ECHDC1: variants seen among roughly 807,000 people sequenced by gnomAD.
ECHDC1 encodes the protein ethylmalonyl-CoA decarboxylase.
A neutral mutation model predicts 29.7 loss-of-function variants in ECHDC1; 29 were observed. The ratio of observed to expected loss-of-function variants is 0.98; its 90% confidence interval spans 0.73 to 1.33. The LOEUF is 1.33. ECHDC1 is among the 40% of genes most tolerant of loss of function. The pLI is 0.00. For missense variants in ECHDC1, 328 were observed against 350.0 expected, an observed-to-expected ratio of 0.94 and a Z score of 0.50; for synonymous variants, 126 against 123.1, an observed-to-expected ratio of 1.02 and a Z score of -0.15.
At chr6:127,326,859 C>T in intron 3 of ECHDC1, 143 bp downstream of exon 3, 1 of 912,644 alleles carries the variant, frequency 1.1e-6, no homozygotes, top group Non-Finnish European at 1.6e-6. Flanking sequence ...TATAATCCTA[C>T]CAAAAACAAA....
chr6:127,297,871 G>C (rs1387458769), intron 5 of ECHDC1, among the ~76,000 whole-genome samples: 2 of 152,160 alleles, frequency 1.3e-5, no homozygotes, highest in Non-Finnish European at 2.9e-5. Context: ...CCACTACAAA[G>C]AGCTTTCTTC....
rs369602393 is a variant in ECHDC1, at chr6:127,314,875, C to A, written c.438G>T (p.Ala146=). ...CACCCAATGCCCAACCTTGAACCAG[C>A]GCAACACTTATTAAAGGAAGTCTGT... ...RFMRLPLISV[A]LVQGWALGGG... The change falls in exon 5 of 6, where the codon GCG becomes GCT. Residue 146 remains alanine (A), a synonymous_variant. Transcript: ENST00000454859. The A allele has an allele frequency of 4.3e-6, 7 of 1,611,874 alleles. No individual in the cohort carries two copies. The highest frequency in any genetic ancestry group is 5.9e-6 in the Non-Finnish European group (7 of 1,179,054).
chr6:127,298,563 T>G (rs980603784), intron 5 of ECHDC1, among the ~76,000 whole-genome samples: 12 of 152,186 alleles, frequency 7.9e-5, no homozygotes, highest in Non-Finnish European at 1.8e-4. Flanking sequence ...TAAAATAATG[T>G]CTATATCAGA....
intron 5 of ECHDC1, among the ~76,000 whole-genome samples, chr6:127,308,520 C>A (rs1422690226): frequency 6.6e-6 from 1 of 152,084 alleles, no homozygotes; most frequent in African/African-American, 2.4e-5. Context: ...AGGCCATATA[C>A]ATATATGACA....
At chr6:127,319,067 A>G (rs1279453417) in intron 3 of ECHDC1, among the ~76,000 whole-genome samples, 2 of 152,240 alleles carry the variant, frequency 1.3e-5, no homozygotes, top group East Asian at 3.8e-4. Flanking sequence ...TGAAGTATCT[A>G]GAATTGGTAG....
intron 4 of ECHDC1, chr6:127,315,933 C>T: frequency 2.1e-6 from 1 of 470,582 alleles, no homozygotes; most frequent in South Asian, 1.5e-5. Context: ...CTCAAACATA[C>T]CTTGATAGGC....
intron 2 of ECHDC1, among the ~76,000 whole-genome samples, chr6:127,327,582 C>T (rs921385749): frequency 3.9e-5 from 6 of 152,058 alleles, no homozygotes; most frequent in Non-Finnish European, 8.8e-5. Flanking sequence ...ATATATTGGA[C>T]ATATGGTATA....
At position 127,290,204 on chromosome 6, in the gene ECHDC1, T is replaced by G; in HGVS notation, c.571A>C (p.Thr191Pro). 1 of 1,613,650 alleles carries G rather than the reference T, an allele frequency of 6.2e-7. No individual in the cohort carries two copies. Among genetic ancestry groups the G allele is most frequent in the South Asian group, 1.1e-5 (1 of 91,070 alleles). Reference protein sequence around the residue: ...MGIIPSWGGTTRLVEIIGSRQ... With the variant: ...MGIIPSWGGTPRLVEIIGSRQ... ...CTTCCGATTATTTCAACTAGCCGGG[T>G]GGTGCCACCCCAGCTTGGTATTATG... is the stretch of plus-strand genomic sequence containing the variant. Residue 191 changes from threonine to proline, a missense_variant, in exon 6 of 6, where the codon ACC (threonine) becomes CCC (proline). Coordinates refer to ENST00000454859, the MANE Select transcript of ECHDC1 (RefSeq NM_001002030.2).
At chr6:127,333,666 TACACACACACACACACACACACAC>T (rs10523734) in intron 1 of ECHDC1, among the ~76,000 whole-genome samples, 5 of 128,036 alleles carry the variant, frequency 3.9e-5, no homozygotes, top group East Asian at 4.1e-4. Flanking sequence ...CTCTTTCTCT[TACACACACACACACACACACACAC>T]ACACACACAC....
intron 1 of ECHDC1, 23 bp from the exon 2 acceptor site, chr6:127,331,053 C>T (rs774841748): frequency 8.2e-6 from 13 of 1,585,124 alleles, no homozygotes; most frequent in African/African-American, 4.0e-5. Context: ...AATAAGTATG[C>T]GGTAGTATAG....
At chr6:127,296,303 C>T (rs1278905744) in intron 5 of ECHDC1, among the ~76,000 whole-genome samples, 1 of 152,074 alleles carries the variant, frequency 6.6e-6, no homozygotes, top group Non-Finnish European at 1.5e-5. Context: ...AAGTGACTCT[C>T]CTGCCTCAGC....
chr6:127,313,136 T>C (rs1029701537), intron 5 of ECHDC1: 4 of 153,482 alleles, frequency 2.6e-5, no homozygotes, highest in African/African-American at 9.6e-5. Context: ...TTCATCAAAA[T>C]CCATTTACAG....
chr6:127,338,264 C>A (rs1784606655), intron 1 of ECHDC1, among the ~76,000 whole-genome samples: 1 of 152,140 alleles, frequency 6.6e-6, no homozygotes, highest in African/African-American at 2.4e-5. Context: ...GAGAAAGCAT[C>A]TTTAAAAGTT....
At chr6:127,336,254 G>GGATA (rs1784416174) in intron 1 of ECHDC1, among the ~76,000 whole-genome samples, 2 of 151,948 alleles carry the variant, frequency 1.3e-5, no homozygotes, top group African/African-American at 4.8e-5. Context: ...AAGAATGAGA[G>GGATA]GATACTGTGA....
chr6:127,309,480 AACACACACAC>A (rs58621326), intron 5 of ECHDC1, among the ~76,000 whole-genome samples: 14,860 of 137,066 alleles, frequency 0.11, 978 homozygotes, highest in South Asian at 0.18. Flanking sequence ...CAAACAACAA[AACACACACAC>A]ACACACACAC....
intron 5 of ECHDC1, among the ~76,000 whole-genome samples, chr6:127,296,562 GA>G (rs1416448359): frequency 6.6e-6 from 1 of 151,962 alleles, no homozygotes; most frequent in East Asian, 1.9e-4. Flanking sequence ...ACACTTCACA[GA>G]TAATGACATT....
chr6:127,296,920 A>G (rs1223060159), intron 5 of ECHDC1, among the ~76,000 whole-genome samples: 1 of 152,052 alleles, frequency 6.6e-6, no homozygotes, highest in African/African-American at 2.4e-5. Flanking sequence ...TGGGAGGATG[A>G]CTTGAGTCCT....
chr6:127,315,857 TA>T (rs1782323131), intron 4 of ECHDC1: 1 of 429,930 alleles, frequency 2.3e-6, no homozygotes, highest in South Asian at 1.7e-5. Flanking sequence ...TTCATAATTT[TA>T]AATTTGTCTA....
At chr6:127,292,514 TAC>T (rs1244881028) in intron 5 of ECHDC1, among the ~76,000 whole-genome samples, 1 of 152,016 alleles carries the variant, frequency 6.6e-6, no homozygotes, top group African/African-American at 2.4e-5. Context: ...TGTACTGATA[TAC>T]ATTAAATATA....
Sources: allele counts gnomAD v4.1 joint callset (sites outside exome capture counted in the v4.1 genomes callset), GRCh38; gene constraint gnomAD v4.1.1; transcripts MANE v1.5; gene names NCBI Gene and HGNC (gene_info 2026-07-23, HGNC 2026-07-21).